Variants in SUGCT observed in about 807,000 individuals in gnomAD.
The protein encoded by SUGCT is succinyl-CoA:glutarate-CoA transferase, also known as succinyl-CoA:glutarate CoA-transferase.
Under a neutral mutation model 55.0 loss-of-function variants are expected in SUGCT, and 41 were observed. That is an observed-to-expected ratio of 0.74 (90% CI 0.58 to 0.97). SUGCT has a LOEUF of 0.97. SUGCT is among the 50% of genes least tolerant of loss of function. The pLI, the probability that SUGCT is intolerant of heterozygous loss-of-function variation, is 0.00. For missense variants in SUGCT, 568 were observed against 547.8 expected, an observed-to-expected ratio of 1.04 and a Z score of -0.37; for synonymous variants, 187 against 200.4, an observed-to-expected ratio of 0.93 and a Z score of 0.56.
chr7:40,624,085 C>T (rs946101635), intron 12 of SUGCT, among the ~76,000 whole-genome samples: 1 of 152,180 alleles, frequency 6.6e-6, no homozygotes. Flanking sequence ...ATATGTCAGA[C>T]AGTCTCTGGC....
At chr7:40,369,899 G>C (rs780349739) in intron 9 of SUGCT, among the ~76,000 whole-genome samples, 4 of 152,178 alleles carry the variant, frequency 2.6e-5, no homozygotes, top group Non-Finnish European at 5.9e-5. Flanking sequence ...TCAGGGCTCT[G>C]GCAAGATTAG....
chr7:40,860,446 C>A lies in SUGCT; in HGVS notation c.1284C>A (p.Ser428Arg). 1 of 1,613,574 alleles carries A rather than the reference C, an allele frequency of 6.2e-7. No individual in the cohort carries two copies. Among genetic ancestry groups the A allele is most frequent in the Non-Finnish European group, 8.5e-7 (1 of 1,179,572 alleles). The change falls in exon 14 of 14, where the codon AGC becomes AGA. Residue 428 changes from serine to arginine, a missense_variant. Transcript: ENST00000335693. ...ACAGGGCCATCGGGGAGCTGCTCAG[C>A]GCTGGAGTGGTGGACCAACATGAAA... ...YDDRAIGELL[S>R]AGVVDQHETH
the SUGCT span, among the ~76,000 whole-genome samples, chr7:40,950,869 T>C: frequency 2.0e-5 from 3 of 152,226 alleles, no homozygotes; most frequent in Non-Finnish European, 4.4e-5. Flanking sequence ...CAGTATTTTA[T>C]TGAGGATTTT....
the SUGCT span, among the ~76,000 whole-genome samples, chr7:41,025,694 G>A: frequency 2.0e-5 from 3 of 152,048 alleles, no homozygotes; most frequent in Non-Finnish European, 2.9e-5. Context: ...AATGAGTTGT[G>A]TTAAATAAAA....
intron 12 of SUGCT, among the ~76,000 whole-genome samples, chr7:40,728,381 T>C (rs1013861528): frequency 1.3e-5 from 2 of 152,058 alleles, no homozygotes; most frequent in African/African-American, 4.8e-5. Context: ...TAGCCGGGCA[T>C]AGTGGTGGGT....
chr7:40,302,118 TCCTA>T (rs1241492101), intron 8 of SUGCT, among the ~76,000 whole-genome samples: 4 of 152,196 alleles, frequency 2.6e-5, no homozygotes, highest in African/African-American at 9.7e-5. Flanking sequence ...GGTTTCTGCT[TCCTA>T]CCCACTAATT....
the SUGCT span, among the ~76,000 whole-genome samples, chr7:40,922,675 G>A: frequency 6.6e-6 from 1 of 152,192 alleles, no homozygotes; most frequent in Non-Finnish European, 1.5e-5. Flanking sequence ...AAAATTCAAG[G>A]AGAGGCCACA....
chr7:40,977,926 C>G, the SUGCT span, among the ~76,000 whole-genome samples: 1 of 152,174 alleles, frequency 6.6e-6, no homozygotes, highest in Admixed American at 6.5e-5. Context: ...CCTCTGTAGC[C>G]TGATGAACCT....
the SUGCT span, among the ~76,000 whole-genome samples, chr7:40,915,231 T>G: frequency 1.2e-4 from 18 of 152,206 alleles, no homozygotes; most frequent in African/African-American, 4.3e-4. Flanking sequence ...CAGTACAAAG[T>G]CGAAGGTCAC....
intron 8 of SUGCT, among the ~76,000 whole-genome samples, chr7:40,296,015 A>G (rs1794119179): frequency 6.6e-6 from 1 of 152,196 alleles, no homozygotes; most frequent in Non-Finnish European, 1.5e-5. Flanking sequence ...ACACTAATTG[A>G]AAAGTCATGT....
chr7:40,487,510 C>T (rs1403447729), intron 11 of SUGCT, among the ~76,000 whole-genome samples: 2 of 151,790 alleles, frequency 1.3e-5, no homozygotes, highest in Non-Finnish European at 2.9e-5. Flanking sequence ...GAATGTTCTA[C>T]ATATATATAT....
chr7:40,217,016 C>T (rs368158953), intron 6 of SUGCT, among the ~76,000 whole-genome samples: 89 of 152,160 alleles, frequency 5.8e-4, no homozygotes, highest in Middle Eastern at 3.4e-3. Flanking sequence ...ATTTCCCCCC[C>T]CTCAGTCTTA....
intron 12 of SUGCT, among the ~76,000 whole-genome samples, chr7:40,578,270 T>C (rs550806639): frequency 6.6e-6 from 1 of 152,278 alleles, no homozygotes; most frequent in East Asian, 1.9e-4. Flanking sequence ...CCCTTAGTCC[T>C]GGGAAAACCA....
intron 6 of SUGCT, among the ~76,000 whole-genome samples, chr7:40,218,463 C>T (rs967237726): frequency 9.9e-5 from 15 of 152,212 alleles, no homozygotes; most frequent in South Asian, 4.2e-4. Flanking sequence ...CGTTGTTGAG[C>T]GGTGAAGCCA....
In SUGCT at chr7:40,453,239, T is replaced by C. The variant is rs147585509; in HGVS notation, c.888+3881T>C. Reference sequence around the variant, plus strand: ...CAACTCTGAGAAAGAAGAACTTTCTTCATTGCTGAGCTGTGATCCCAAAGA... The same window carrying C: ...CAACTCTGAGAAAGAAGAACTTTCTCCATTGCTGAGCTGTGATCCCAAAGA... On this transcript the variant is annotated intron_variant, in intron 10 of 13. Transcript: ENST00000335693. 4.0e-3 allele frequency among the ~76,000 whole-genome samples: 604 copies of C among 152,274 alleles called. 6 individuals carry two copies. The highest frequency in any genetic ancestry group is 0.014 in the African/African-American group (569 of 41,564).
intron 12 of SUGCT, among the ~76,000 whole-genome samples, chr7:40,554,497 A>T (rs1795459320): frequency 6.6e-6 from 1 of 152,218 alleles, no homozygotes; most frequent in Non-Finnish European, 1.5e-5. Context: ...TGAGAGTTAA[A>T]CAGCATAGTG....
At chr7:40,913,535 G>A in the SUGCT span, among the ~76,000 whole-genome samples, 1 of 152,010 alleles carries the variant, frequency 6.6e-6, no homozygotes, top group African/African-American at 2.4e-5. Context: ...AAATTCCAGA[G>A]CATGTACTAC....
chr7:40,206,471 T>G (rs1786981513), intron 6 of SUGCT, among the ~76,000 whole-genome samples: 1 of 152,202 alleles, frequency 6.6e-6, no homozygotes. Flanking sequence ...GGGATTTTGA[T>G]GGAATACCAG....
the SUGCT span, among the ~76,000 whole-genome samples, chr7:41,004,586 G>T: frequency 2.0e-5 from 3 of 152,164 alleles, no homozygotes; most frequent in South Asian, 6.2e-4. Flanking sequence ...ATACCACCAG[G>T]TTCAGAGAGG....
Sources: gnomAD v4.1 joint callset for allele counts (sites outside exome capture counted in the v4.1 genomes callset) on GRCh38, gnomAD v4.1.1 for gene constraint, MANE v1.5 for transcripts, NCBI Gene and HGNC (gene_info 2026-07-23, HGNC 2026-07-21) for gene names.